DTD1: variants seen among roughly 807,000 people sequenced by gnomAD.
DTD1 encodes D-tyrosyl-tRNA deacylase 1 homolog.
A neutral mutation model predicts 25.6 loss-of-function variants in DTD1; 13 were observed. That is an observed-to-expected ratio of 0.51 (90% CI 0.33 to 0.81). The LOEUF is 0.81. Ranked by LOEUF, DTD1 falls within the 30% of genes least tolerant of loss-of-function variation. The pLI is 0.02. For synonymous variants in DTD1, 110 were observed against 103.6 expected (o/e 1.06, Z -0.37); for missense variants, 193 against 266.4 (o/e 0.72, Z 1.92).
intron 5 of DTD1, among the ~76,000 whole-genome samples, chr20:18,748,028 A>C (rs1478491880): frequency 1.3e-5 from 2 of 152,022 alleles, no homozygotes; most frequent in Non-Finnish European, 2.9e-5. Flanking sequence ...AAAAACAAAC[A>C]AACAAACGAA....
At chr20:18,713,449 A>G (rs1227420496) in intron 4 of DTD1, among the ~76,000 whole-genome samples, 3 of 152,158 alleles carry the variant, frequency 2.0e-5, no homozygotes, top group African/African-American at 7.2e-5. Context: ...CTTTAGAAAT[A>G]TTCCACCCTG....
At position 18,764,790 on chromosome 20, in the gene DTD1, G is replaced by C. The variant is rs1482502515; in HGVS notation, c.*1450G>C. The C allele has an allele frequency of 6.6e-6, 1 of 152,232 alleles. No homozygotes were observed. The highest frequency in any genetic ancestry group is 1.5e-5 in the Non-Finnish European group (1 of 68,044). 9.4% of individuals were successfully genotyped at this position (152,232 alleles called of 1,614,324 possible). A position where few individuals can be genotyped will look rare whatever the true frequency, so the allele number is the denominator to read the frequency against. On this transcript the variant is annotated 3_prime_UTR_variant, in exon 6 of 6. Transcript: ENST00000377452. ...CAGCTCCCTAAGCTGTGTGGGCAGT[G>C]AGGTCCCAGAAGCTCTGCTGTTTGA... is the stretch of plus-strand genomic sequence containing the variant.
intron 4 of DTD1, among the ~76,000 whole-genome samples, chr20:18,710,163 A>G (rs2061152995): frequency 6.6e-6 from 1 of 152,198 alleles, no homozygotes; most frequent in Non-Finnish European, 1.5e-5. Context: ...CCTAGTTATG[A>G]AGATCAATTT....
intron 5 of DTD1, among the ~76,000 whole-genome samples, chr20:18,758,898 G>A (rs1249406824): frequency 6.6e-6 from 1 of 152,140 alleles, no homozygotes; most frequent in East Asian, 1.9e-4. Flanking sequence ...TTATTGTGTG[G>A]CTTTATGAAT....
At chr20:18,658,289 A>T (rs1483175888) in intron 4 of DTD1, among the ~76,000 whole-genome samples, 1 of 150,616 alleles carries the variant, frequency 6.6e-6, no homozygotes, top group Non-Finnish European at 1.5e-5. Flanking sequence ...AGGTCTGAAT[A>T]CCAAGCTATA....
chr20:18,606,126 C>T (rs1282449641), intron 3 of DTD1, among the ~76,000 whole-genome samples: 2 of 150,140 alleles, frequency 1.3e-5, no homozygotes, highest in African/African-American at 4.9e-5. Flanking sequence ...AGGACATGAA[C>T]AGACAATTCT....
chr20:18,694,548 C>G (rs1385661181), intron 4 of DTD1, among the ~76,000 whole-genome samples: 1 of 152,122 alleles, frequency 6.6e-6, no homozygotes, highest in African/African-American at 2.4e-5. Context: ...ACCTTTCATA[C>G]TATAAAACTG....
intron 4 of DTD1, among the ~76,000 whole-genome samples, chr20:18,692,517 C>G (rs2061051494): frequency 6.6e-6 from 1 of 152,174 alleles, no homozygotes; most frequent in Non-Finnish European, 1.5e-5. Context: ...GTACAAGCCA[C>G]CATGAATGGA....
At chr20:18,742,392 A>G (rs2061281811) in intron 4 of DTD1, among the ~76,000 whole-genome samples, 1 of 152,118 alleles carries the variant, frequency 6.6e-6, no homozygotes, top group African/African-American at 2.4e-5. Flanking sequence ...CAGGCCAGGG[A>G]CCGGTACTAA....
chr20:18,732,014 C>G (rs1004558797), intron 4 of DTD1, among the ~76,000 whole-genome samples: 1 of 152,206 alleles, frequency 6.6e-6, no homozygotes, highest in Non-Finnish European at 1.5e-5. Context: ...GAATGCACGT[C>G]CTGCCCAAAT....
chr20:18,594,673 A>G (rs1208853641), intron 2 of DTD1, among the ~76,000 whole-genome samples: 1 of 152,162 alleles, frequency 6.6e-6, no homozygotes, highest in Admixed American at 6.5e-5. Flanking sequence ...CAGACTTGAA[A>G]CTGAATTCCT....
chr20:18,688,653 C>T (rs1568669542), intron 4 of DTD1, among the ~76,000 whole-genome samples: 2 of 152,058 alleles, frequency 1.3e-5, no homozygotes, highest in Non-Finnish European at 2.9e-5. Context: ...GGGAACGACC[C>T]ATCTTTCTAT....
intron 3 of DTD1, among the ~76,000 whole-genome samples, chr20:18,596,730 C>CTT (rs139465381): frequency 7.5e-5 from 11 of 146,970 alleles, no homozygotes; most frequent in East Asian, 2.0e-4. Flanking sequence ...TTTACATTCT[C>CTT]TTTTTTTTTT....
At chr20:18,707,173 A>C (rs2061129980) in intron 4 of DTD1, among the ~76,000 whole-genome samples, 1 of 152,222 alleles carries the variant, frequency 6.6e-6, no homozygotes, top group Admixed American at 6.5e-5. Context: ...CCGTTTCCTT[A>C]GCTCCCTTAG....
chr20:18,600,424 C>G (rs1600308848), intron 3 of DTD1, among the ~76,000 whole-genome samples: 1 of 152,130 alleles, frequency 6.6e-6, no homozygotes, highest in African/African-American at 2.4e-5. Flanking sequence ...TTATCAGGGT[C>G]GAATTCTGGG....
chr20:18,756,506 G>C (rs565306831), intron 5 of DTD1, among the ~76,000 whole-genome samples: 1 of 152,278 alleles, frequency 6.6e-6, no homozygotes, highest in South Asian at 2.1e-4. Flanking sequence ...AGTTTTCCCA[G>C]CACCATTTAT....
At chr20:18,648,918 C>T (rs1720045062) in intron 4 of DTD1, among the ~76,000 whole-genome samples, 1 of 141,124 alleles carries the variant, frequency 7.1e-6, no homozygotes, top group African/African-American at 2.6e-5. Flanking sequence ...ATGACGTGAA[C>T]CCGGGAGGCA....
chr20:18,748,341 A>G (rs1477570666), intron 5 of DTD1, among the ~76,000 whole-genome samples: 1 of 152,178 alleles, frequency 6.6e-6, no homozygotes, highest in African/African-American at 2.4e-5. Context: ...TTTGCTTTAT[A>G]TCTGATCAGT....
chr20:18,698,719 C>T (rs2061090204), intron 4 of DTD1: 1 of 152,298 alleles, frequency 6.6e-6, no homozygotes. Context: ...TCCTTACCCT[C>T]TTATGAATAG....
Sources: allele counts gnomAD v4.1 joint callset (sites outside exome capture counted in the v4.1 genomes callset), GRCh38; gene constraint gnomAD v4.1.1; transcripts MANE v1.5; gene names NCBI Gene and HGNC (gene_info 2026-07-23, HGNC 2026-07-21).